The following LAT2 variants were observed in gnomAD, a reference collection of about 807,000 sequenced individuals.
The protein encoded by LAT2 is linker for activation of T-cells family member 2.
A neutral mutation model predicts 43.4 loss-of-function variants in LAT2; 23 were observed. The observed-to-expected ratio is 0.53, with a 90% CI of 0.38 to 0.75. LAT2 has a LOEUF of 0.75. Ranked by LOEUF, LAT2 falls within the 30% of genes least tolerant of loss-of-function variation. LAT2 has a pLI of 0.00. For missense variants in LAT2, 284 were observed against 310.2 expected (o/e 0.92, Z 0.64); for synonymous variants, 128 against 123.2 (o/e 1.04, Z -0.26).
intron 4 of LAT2, among the ~76,000 whole-genome samples, chr7:74,219,068 C>T (rs1554714656): frequency 8.6e-6 from 1 of 116,338 alleles, no homozygotes; most frequent in African/African-American, 3.3e-5. Flanking sequence ...CTCGCTCTGT[C>T]GCCCAGGCCA....
intron 1 of LAT2, among the ~76,000 whole-genome samples, chr7:74,210,432 G>A (rs1183329583): frequency 1.3e-5 from 2 of 152,178 alleles, no homozygotes; most frequent in Non-Finnish European, 2.9e-5. Flanking sequence ...AAATGGGACT[G>A]TAACCCCCTA....
rs1554715072 is a variant in LAT2 at position 74,220,673 on chromosome 7, G to A, written c.302-31G>A. ...GCCATGGTGGGGGCCACACCCAGGG[G>A]CTCAGGCCCAATTCTCGCCTCCTCC... On this transcript the variant is annotated intron_variant, in intron 8 of 13. Coordinates refer to ENST00000460943, the MANE Select transcript of LAT2 (RefSeq NM_032464.3). The surrounding 1 kb of genome is among the most constrained non-coding windows in gnomAD (Gnocchi z 4.5). 3 of 1,613,246 alleles carry A rather than the reference G, an allele frequency of 1.9e-6. No individual in the cohort carries two copies. Among genetic ancestry groups the A allele is most frequent in the East Asian group, 2.2e-5 (1 of 44,864 alleles).
chr7:74,222,429 G>T (rs1315209435), intron 10 of LAT2, among the ~76,000 whole-genome samples: 1 of 151,424 alleles, frequency 6.6e-6, no homozygotes, highest in Admixed American at 6.6e-5. Context: ...CCCAAAAAAG[G>T]GCAACTGAGG....
intron 3 of LAT2, 84 bp from the exon 4 acceptor site, chr7:74,216,741 T>C: frequency 8.5e-7 from 1 of 1,175,142 alleles, no homozygotes; most frequent in East Asian, 2.4e-5. Context: ...TGAGTCCTGC[T>C]GGAGACAAGA....
At position 74,220,151 on chromosome 7, in the gene LAT2, G is replaced by T. The variant is rs1374185034; in HGVS notation, c.228-66G>T. The T allele has an allele frequency of 6.4e-6, 10 of 1,567,080 alleles. No homozygotes were observed. Among genetic ancestry groups the T allele is most frequent in the African/African-American group, 1.4e-5 (1 of 73,998 alleles). On this transcript the variant is annotated intron_variant, in intron 6 of 13. Coordinates refer to ENST00000460943, the MANE Select transcript of LAT2 (RefSeq NM_032464.3). This position sits in a 1 kb window ranked among gnomAD's most constrained non-coding sequence, Gnocchi z 4.5. ...GAAGGCCCCACAAGGGGTATGGGGG[G>T]ATGTGTCCTGGGGGGCCTCTCCCCT...
intron 10 of LAT2, 50 bp from the exon 11 acceptor site, chr7:74,223,674 C>A: frequency 6.4e-7 from 1 of 1,553,276 alleles, no homozygotes; most frequent in Non-Finnish European, 8.9e-7. Flanking sequence ...ATGAGCCAGG[C>A]TTTGCAGGGT....
rs1174598662 is a variant in LAT2, at chr7:74,220,921, G to A, written c.332+187G>A. Among the ~76,000 whole-genome samples the A allele has an allele frequency of 6.6e-6, 1 of 152,132 alleles. No homozygotes were observed. Among genetic ancestry groups the A allele is most frequent in the Non-Finnish European group, 1.5e-5 (1 of 68,018 alleles). On this transcript the variant is annotated intron_variant, in intron 9 of 13. Transcript: ENST00000460943. This position sits in a 1 kb window ranked among gnomAD's most constrained non-coding sequence, Gnocchi z 4.5. The stretch of plus-strand genomic sequence containing the variant: ...TTCTCCTGGCAGGCAGGCATTGGGC[G>A]ACACTGTTGTCTCTTAGGTAACCCT...
intron 1 of LAT2, among the ~76,000 whole-genome samples, chr7:74,212,829 G>C (rs555157184): frequency 2.0e-5 from 3 of 152,308 alleles, no homozygotes; most frequent in African/African-American, 7.2e-5. Context: ...ACAACCTCCC[G>C]GGGTGACGTG....
Position 74,224,190 on chromosome 7 carries a change from G to A in LAT2, c.621G>A (p.Lys207=). Residue 207 remains lysine (K), a synonymous_variant, in exon 12 of 14, where the codon AAG becomes AAA. Coordinates refer to ENST00000460943, the MANE Select transcript of LAT2 (RefSeq NM_032464.3). ...ASIHQWRESR[K]VMGQLQREAS... ...TCCATCAGTGGCGCGAGTCCAGGAA[G>A]GTCATGGGTAGGTGGCCGGGAGAAG... 2 of 1,613,428 alleles carry A rather than the reference G, an allele frequency of 1.2e-6. No individual in the cohort carries two copies. Among genetic ancestry groups the A allele is most frequent in the Admixed American group, 1.7e-5 (1 of 60,024 alleles).
intron 12 of LAT2, 27 bp downstream of exon 12, chr7:74,224,224 T>C: frequency 6.2e-7 from 1 of 1,606,748 alleles, no homozygotes; most frequent in Non-Finnish European, 8.5e-7. Context: ...AGAGGCAGGG[T>C]GGTCCACTTA....
intron 1 of LAT2, among the ~76,000 whole-genome samples, chr7:74,212,432 C>T (rs1801763727): frequency 6.6e-6 from 1 of 152,018 alleles, no homozygotes; most frequent in African/African-American, 2.4e-5. Context: ...CAGGCTTGCA[C>T]CTCCACGCCT....
At chr7:74,211,680 A>G (rs1801743090) in intron 1 of LAT2, among the ~76,000 whole-genome samples, 2 of 151,962 alleles carry the variant, frequency 1.3e-5, no homozygotes, top group Non-Finnish European at 1.5e-5. Flanking sequence ...GATGGTCTCA[A>G]TCTCCTGACT....
chr7:74,221,548 C>T (rs1327048739), intron 9 of LAT2, 89 bp from the exon 10 acceptor site: 3 of 914,586 alleles, frequency 3.3e-6, no homozygotes, highest in Admixed American at 2.2e-5. Context: ...ATGGTGGGAG[C>T]AGCCCTGGCC....
At chr7:74,216,376 T>G (rs1019096175) in intron 3 of LAT2, among the ~76,000 whole-genome samples, 2 of 151,928 alleles carry the variant, frequency 1.3e-5, no homozygotes, top group East Asian at 3.9e-4. Context: ...CAAATACCCT[T>G]TTTTCTTTTT....
At position 74,214,761 on chromosome 7, in the gene LAT2, AAAC is replaced by A. The variant is rs1563968655; in HGVS notation, c.-218-59_-218-57del. 337 of 83,922 alleles carry A rather than the reference AAAC, an allele frequency of 4.0e-3. 4 individuals carry two copies. The highest frequency in any genetic ancestry group is 0.018 in the African/African-American group (313 of 17,208). 5.2% of individuals were successfully genotyped at this position (83,922 alleles called of 1,614,324 possible). A position where few individuals can be genotyped will look rare whatever the true frequency, so the allele number is the denominator to read the frequency against. ...TAAAAATATATAAATATATATATAT[AAAC>A]ATATATATATAAATATATATATATA... On this transcript the variant is annotated intron_variant, in intron 1 of 13. Coordinates refer to ENST00000460943, the MANE Select transcript of LAT2 (RefSeq NM_032464.3).
intron 1 of LAT2, among the ~76,000 whole-genome samples, chr7:74,213,670 G>T (rs574079642): frequency 5.3e-5 from 8 of 152,012 alleles, no homozygotes; most frequent in Non-Finnish European, 1.2e-4. Flanking sequence ...TGATCTGCCC[G>T]CCTTGGCCTC....
intron 4 of LAT2, among the ~76,000 whole-genome samples, chr7:74,217,933 G>C (rs997362230): frequency 6.6e-6 from 1 of 152,112 alleles, no homozygotes; most frequent in Admixed American, 6.6e-5. Context: ...CTTGCTCATC[G>C]TGGGCCAGGG....
Position 74,220,400 on chromosome 7 carries a change from C to A in LAT2, c.265+146C>A. ...GAGAGACACACAGGCTGGGGCAGGG[C>A]AGGCTCCTGGAATCGGCCTGGCAGG... On this transcript the variant is annotated intron_variant, in intron 7 of 13. Coordinates refer to ENST00000460943, the MANE Select transcript of LAT2 (RefSeq NM_032464.3). This position sits in a 1 kb window ranked among gnomAD's most constrained non-coding sequence, Gnocchi z 4.5. 8.1e-7 allele frequency: 1 copy of A among 1,238,220 alleles called. No individual in the cohort carries two copies. The highest frequency in any genetic ancestry group is 1.2e-6 in the Non-Finnish European group (1 of 863,974). 76.7% of individuals were successfully genotyped at this position (1,238,220 alleles called of 1,614,324 possible). A position where few individuals can be genotyped will look rare whatever the true frequency, so the allele number is the denominator to read the frequency against.
intron 10 of LAT2, 34 bp from the exon 11 acceptor site, chr7:74,223,690 C>G: frequency 6.2e-7 from 1 of 1,603,356 alleles, no homozygotes; most frequent in African/African-American, 1.3e-5. Context: ...AGGGTCTGCC[C>G]ACACCCCCGT....
Sources: gnomAD v4.1 joint callset for allele counts (sites outside exome capture counted in the v4.1 genomes callset) on GRCh38, gnomAD v4.1.1 for gene constraint, Gnocchi (gnomAD v3.1) non-coding constraint, MANE v1.5 for transcripts, NCBI Gene and HGNC (gene_info 2026-07-23, HGNC 2026-07-21) for gene names.